CTNNA3: variants seen among roughly 807,000 people sequenced by gnomAD.
CTNNA3 encodes catenin alpha-3.
A neutral mutation model predicts 95.7 loss-of-function variants in CTNNA3; 76 were observed. The ratio of observed to expected loss-of-function variants is 0.79; its 90% CI spans 0.66 to 0.96. CTNNA3 has a LOEUF of 0.96. CTNNA3 is among the 40% of genes least tolerant of loss of function. CTNNA3 has a pLI of 0.00. For synonymous variants in CTNNA3, 431 were observed against 374.4 expected (o/e 1.15, Z -1.74); for missense variants, 1,191 against 1,089.8 (o/e 1.09, Z -1.31).
rs900465594 is a variant in CTNNA3, at chr10:66,579,957, C to A, written c.1374+41735G>T. 5.9e-5 allele frequency among the ~76,000 whole-genome samples: 9 copies of A among 151,634 alleles called. No homozygotes were observed. The East Asian group carries it at 1.4e-3, about 23-fold the overall frequency. The stretch of plus-strand genomic sequence containing the variant: ...CTATGGTGTGATTTCATGTGGATTT[C>A]TTTGGGCTTATCATGTTTGGGGTTT... On this transcript the variant is annotated intron_variant, in intron 10 of 17. Transcript: ENST00000433211.
At chr10:65,949,967 C>A (rs184185718) in intron 17 of CTNNA3, among the ~76,000 whole-genome samples, 11 of 151,902 alleles carry the variant, frequency 7.2e-5, no homozygotes, top group Non-Finnish European at 1.5e-4. Context: ...TCAAGGAAGC[C>A]CCCCACAACA....
At chr10:67,177,507 T>C (rs904066477) in intron 7 of CTNNA3, among the ~76,000 whole-genome samples, 1 of 152,164 alleles carries the variant, frequency 6.6e-6, no homozygotes, top group East Asian at 1.9e-4. Flanking sequence ...ATTTGCTCCA[T>C]CAGCACAGCT....
At chr10:67,395,493 T>C (rs897680979) in intron 5 of CTNNA3, among the ~76,000 whole-genome samples, 5 of 152,190 alleles carry the variant, frequency 3.3e-5, no homozygotes, top group African/African-American at 1.2e-4. Flanking sequence ...ATTATTCTCA[T>C]AAATTCCCTT....
At chr10:67,077,680 T>A (rs144805792) in intron 7 of CTNNA3, among the ~76,000 whole-genome samples, 239 of 152,288 alleles carry the variant, frequency 1.6e-3, no homozygotes, top group African/African-American at 5.5e-3. Flanking sequence ...AAATTTGTAA[T>A]CTTATATTTG....
intron 13 of CTNNA3, among the ~76,000 whole-genome samples, chr10:66,163,894 A>C (rs1330106661): frequency 1.3e-5 from 2 of 152,208 alleles, no homozygotes; most frequent in Admixed American, 6.5e-5. Flanking sequence ...ATATGTGTAA[A>C]GATCTTCAAA....
At position 66,437,812 on chromosome 10, in the gene CTNNA3, C is replaced by T. The variant is rs528542903; in HGVS notation, c.1532-58460G>A. Among the ~76,000 whole-genome samples the T allele has an allele frequency of 2.4e-3, 370 of 152,250 alleles. 2 individuals carry two copies. The highest frequency in any genetic ancestry group is 8.2e-3 in the African/African-American group (340 of 41,556). On this transcript the variant is annotated intron_variant, in intron 11 of 17. Transcript: ENST00000433211. ...TGGAATTTTCAGCCTTTTTGAGCTG[C>T]TTTTTCCTCATCTTTGTGGATTTAT...
At chr10:66,886,280 G>A (rs1340842786) in intron 7 of CTNNA3, among the ~76,000 whole-genome samples, 2 of 152,112 alleles carry the variant, frequency 1.3e-5, no homozygotes, top group East Asian at 1.9e-4. Flanking sequence ...CTTATTGCGA[G>A]AAACCCATTT....
At chr10:66,055,503 T>G (rs977472911) in intron 15 of CTNNA3, among the ~76,000 whole-genome samples, 1 of 152,154 alleles carries the variant, frequency 6.6e-6, no homozygotes, top group Non-Finnish European at 1.5e-5. Context: ...TCTTGGTTTC[T>G]TTTTTTCAGA....
intron 17 of CTNNA3, among the ~76,000 whole-genome samples, chr10:65,946,991 C>A (rs1194932324): frequency 6.6e-6 from 1 of 152,130 alleles, no homozygotes; most frequent in Admixed American, 6.5e-5. Context: ...TAAATGTCTC[C>A]ATTTGTATTA....
At chr10:66,433,995 G>T (rs1296291531) in intron 11 of CTNNA3, among the ~76,000 whole-genome samples, 1 of 152,088 alleles carries the variant, frequency 6.6e-6, no homozygotes, top group Non-Finnish European at 1.5e-5. Flanking sequence ...CTGTTCCATT[G>T]GTCTATATAT....
At chr10:67,003,666 T>C (rs1851807863) in intron 7 of CTNNA3, among the ~76,000 whole-genome samples, 1 of 152,164 alleles carries the variant, frequency 6.6e-6, no homozygotes, top group Non-Finnish European at 1.5e-5. Context: ...CTTATTAACA[T>C]AAAACTAGTG....
intron 9 of CTNNA3, among the ~76,000 whole-genome samples, chr10:66,704,708 T>C (rs559355390): frequency 6.6e-6 from 1 of 152,282 alleles, no homozygotes; most frequent in South Asian, 2.1e-4. Context: ...CATGAAGTCA[T>C]GTATAGAATT....
chr10:67,341,458 G>A lies in CTNNA3; in HGVS notation c.580-121588C>T, dbSNP rs79552453. ...GAGAACATGCAATGTTTGTCTTTCT[G>A]TGCCTTGCTTATTTCACTTAACTTA... On this transcript the variant is annotated intron_variant, in intron 5 of 17. Coordinates refer to ENST00000433211, the MANE Select transcript of CTNNA3 (RefSeq NM_013266.4). 2.2e-3 allele frequency among the ~76,000 whole-genome samples: 334 copies of A among 152,214 alleles called. 1 individual carries two copies. Among genetic ancestry groups the A allele is most frequent in the African/African-American group, 7.6e-3 (317 of 41,540 alleles).
chr10:67,101,786 G>A (rs1283614357), intron 7 of CTNNA3, among the ~76,000 whole-genome samples: 1 of 151,460 alleles, frequency 6.6e-6, no homozygotes, highest in African/African-American at 2.4e-5. Flanking sequence ...TTGTATATGA[G>A]AGTAAAAATA....
intron 3 of CTNNA3, among the ~76,000 whole-genome samples, chr10:67,555,898 C>T (rs976006482): frequency 5.9e-5 from 9 of 152,058 alleles, no homozygotes; most frequent in African/African-American, 2.2e-4. Context: ...GGTTTTCATA[C>T]ATAGCTCTTA....
chr10:66,674,203 A>G lies in CTNNA3; in HGVS notation c.1282-52419T>C, dbSNP rs138383235. Among the ~76,000 whole-genome samples, 121 of 152,132 alleles carry G rather than the reference A, an allele frequency of 8.0e-4. 1 individual carries two copies. Among genetic ancestry groups the G allele is most frequent in the African/African-American group, 2.6e-3 (108 of 41,540 alleles). On this transcript the variant is annotated intron_variant, in intron 9 of 17. Coordinates refer to ENST00000433211, the MANE Select transcript of CTNNA3 (RefSeq NM_013266.4). ...CTTCTTTTAAAATCTGACATATGGG[A>G]TAACTCCTTGGGTTTGCTTCTGATT...
intron 12 of CTNNA3, among the ~76,000 whole-genome samples, chr10:66,310,780 A>G (rs1035332157): frequency 6.7e-6 from 1 of 148,496 alleles, no homozygotes; most frequent in Non-Finnish European, 1.5e-5. Flanking sequence ...TCCGCCTCCC[A>G]GGTTCATGCC....
chr10:67,658,200 T>C (rs1180783133), intron 1 of CTNNA3, among the ~76,000 whole-genome samples: 2 of 152,232 alleles, frequency 1.3e-5, no homozygotes, highest in Admixed American at 1.3e-4. Context: ...GATAAATTAC[T>C]GATCTTTCCT....
At chr10:67,357,669 T>C (rs1452831588) in intron 5 of CTNNA3, among the ~76,000 whole-genome samples, 3 of 152,114 alleles carry the variant, frequency 2.0e-5, no homozygotes, top group Non-Finnish European at 4.4e-5. Flanking sequence ...TGGGGGACTT[T>C]TGATGTTATT....
Sources: gnomAD v4.1 joint callset for allele counts (sites outside exome capture counted in the v4.1 genomes callset) on GRCh38, gnomAD v4.1.1 for gene constraint, MANE v1.5 for transcripts, NCBI Gene and HGNC (gene_info 2026-07-23, HGNC 2026-07-21) for gene names.